The following SRPK2 variants were observed in gnomAD, a reference collection of about 807,000 sequenced individuals.
The protein encoded by SRPK2 is SRSF protein kinase 2, also known as SFRS protein kinase 2.
In SRPK2, 21 loss-of-function variants were observed where a neutral mutation model predicts 90.8. The observed-to-expected ratio is 0.23, with a 90% CI of 0.16 to 0.33. SRPK2 has a LOEUF of 0.33. Among genes scored for constraint, SRPK2 ranks in the 10% least tolerant of loss-of-function variants. The pLI, the probability that SRPK2 is intolerant of heterozygous loss-of-function variation, is 1.00. For synonymous variants in SRPK2, 288 were observed against 311.1 expected, an observed-to-expected ratio of 0.93 and a Z score of 0.78; for missense variants, 620 against 869.0, an observed-to-expected ratio of 0.71 and a Z score of 3.60.
At chr7:105,264,956 T>C (rs1200948230) in intron 2 of SRPK2, among the ~76,000 whole-genome samples, 2 of 152,160 alleles carry the variant, frequency 1.3e-5, no homozygotes, top group African/African-American at 2.4e-5. Context: ...TGATTAAGAA[T>C]TGTACAATTT....
At chr7:105,363,758 A>G (rs961543839) in intron 2 of SRPK2, among the ~76,000 whole-genome samples, 1 of 152,206 alleles carries the variant, frequency 6.6e-6, no homozygotes, top group Admixed American at 6.5e-5. Context: ...GGCACTATTC[A>G]CAATAGCAAA....
intron 15 of SRPK2, among the ~76,000 whole-genome samples, chr7:105,122,802 T>C (rs546428705): frequency 4.5e-4 from 68 of 152,004 alleles, no homozygotes; most frequent in African/African-American, 1.6e-3. Context: ...CACACACACA[T>C]ACACACACGC....
chr7:105,257,375 A>G (rs967427776), intron 2 of SRPK2, among the ~76,000 whole-genome samples: 1 of 152,250 alleles, frequency 6.6e-6, no homozygotes, highest in African/African-American at 2.4e-5. Flanking sequence ...TAAATTCATC[A>G]TAATCTACAT....
intron 2 of SRPK2, among the ~76,000 whole-genome samples, chr7:105,219,542 G>A (rs1563099821): frequency 6.6e-6 from 1 of 152,168 alleles, no homozygotes; most frequent in South Asian, 2.1e-4. Context: ...AGGCTTTTAA[G>A]TGCTAGAAGC....
At chr7:105,120,094 G>T (rs1452791579) in intron 15 of SRPK2, among the ~76,000 whole-genome samples, 1 of 152,136 alleles carries the variant, frequency 6.6e-6, no homozygotes, top group Admixed American at 6.5e-5. Flanking sequence ...TCTGTAATAT[G>T]ACTATATTGA....
chr7:105,375,979 A>ATTTT (rs1585959171), intron 2 of SRPK2, among the ~76,000 whole-genome samples: 3 of 42,824 alleles, frequency 7.0e-5, no homozygotes, highest in Non-Finnish European at 9.7e-5. Flanking sequence ...ATGAGAATTC[A>ATTTT]TTTCTTTTTT....
At chr7:105,144,941 A>G (rs1804345684) in intron 9 of SRPK2, among the ~76,000 whole-genome samples, 1 of 152,146 alleles carries the variant, frequency 6.6e-6, no homozygotes, top group African/African-American at 2.4e-5. Context: ...ACCCCTCTCT[A>G]CTAAAAATAC....
chr7:105,261,616 A>T (rs1455841729), intron 2 of SRPK2, among the ~76,000 whole-genome samples: 1 of 152,222 alleles, frequency 6.6e-6, no homozygotes, highest in Non-Finnish European at 1.5e-5. Flanking sequence ...TTATTAATCT[A>T]TGCCAATACC....
intron 2 of SRPK2, among the ~76,000 whole-genome samples, chr7:105,340,756 C>T (rs1376024951): frequency 1.3e-5 from 2 of 152,026 alleles, no homozygotes; most frequent in Admixed American, 6.6e-5. Context: ...AGCAGATTTT[C>T]TTAAAAAATG....
At chr7:105,250,065 T>G (rs1802268426) in intron 2 of SRPK2, among the ~76,000 whole-genome samples, 1 of 152,230 alleles carries the variant, frequency 6.6e-6, no homozygotes, top group Non-Finnish European at 1.5e-5. Flanking sequence ...GCACAGTGGC[T>G]CACGCCTATA....
intron 2 of SRPK2, among the ~76,000 whole-genome samples, chr7:105,254,644 A>ATC (rs1802975310): frequency 1.3e-5 from 2 of 151,804 alleles, no homozygotes; most frequent in African/African-American, 4.9e-5. Flanking sequence ...TGATGATGTT[A>ATC]TCGTTGAAGT....
chr7:105,356,553 G>A (rs1349262982), intron 2 of SRPK2, among the ~76,000 whole-genome samples: 1 of 152,074 alleles, frequency 6.6e-6, no homozygotes, highest in Admixed American at 6.6e-5. Context: ...CACTATATTA[G>A]CTATTTTTTG....
intron 2 of SRPK2, among the ~76,000 whole-genome samples, chr7:105,281,723 A>G (rs1236503062): frequency 1.3e-5 from 2 of 152,188 alleles, no homozygotes; most frequent in Admixed American, 1.3e-4. Flanking sequence ...AAGCAGCAAA[A>G]AGAATAAAAT....
chr7:105,285,083 A>G (rs1020638090), intron 2 of SRPK2, among the ~76,000 whole-genome samples: 1 of 152,134 alleles, frequency 6.6e-6, no homozygotes, highest in Non-Finnish European at 1.5e-5. Flanking sequence ...CTGGTTTCCA[A>G]TCACACTGAA....
chr7:105,295,475 G>A (rs1809687709), intron 2 of SRPK2, among the ~76,000 whole-genome samples: 1 of 152,106 alleles, frequency 6.6e-6, no homozygotes, highest in Admixed American at 6.5e-5. Flanking sequence ...TAAAAGGAAT[G>A]AAGTATGACA....
intron 2 of SRPK2, among the ~76,000 whole-genome samples, chr7:105,374,666 G>A (rs532153216): frequency 2.6e-5 from 4 of 152,208 alleles, no homozygotes; most frequent in East Asian, 1.9e-4. Context: ...GTGCAATGGC[G>A]CCATCTCTGG....
chr7:105,342,116 T>C (rs1434789122), intron 2 of SRPK2, among the ~76,000 whole-genome samples: 1 of 150,492 alleles, frequency 6.6e-6, no homozygotes, highest in African/African-American at 2.4e-5. Context: ...ATACAAAAAA[T>C]TAGCTGGGCA....
chr7:105,340,914 T>G (rs1163532824), intron 2 of SRPK2, among the ~76,000 whole-genome samples: 1 of 151,964 alleles, frequency 6.6e-6, no homozygotes, highest in African/African-American at 2.4e-5. Flanking sequence ...GATATTAATG[T>G]TTTTTTAGAT....
intron 13 of SRPK2, among the ~76,000 whole-genome samples, chr7:105,129,080 G>A (rs922314810): frequency 9.2e-5 from 14 of 152,130 alleles, no homozygotes; most frequent in African/African-American, 3.1e-4. Context: ...CCTTGCCTCA[G>A]CCTCCTGAGT....
Sources: allele counts gnomAD v4.1 joint callset (sites outside exome capture counted in the v4.1 genomes callset), GRCh38; gene constraint gnomAD v4.1.1; transcripts MANE v1.5; gene names NCBI Gene and HGNC (gene_info 2026-07-23, HGNC 2026-07-21).